APBA2: variants seen among roughly 807,000 people sequenced by gnomAD.
APBA2 encodes amyloid-beta A4 precursor protein-binding family A member 2.
Under a neutral mutation model 75.0 loss-of-function variants are expected in APBA2, and 30 were observed. The ratio of observed to expected loss-of-function variants is 0.40; its 90% CI spans 0.30 to 0.54. The LOEUF is 0.54. Ranked by LOEUF, APBA2 falls within the 20% of genes least tolerant of loss-of-function variation. APBA2 has a pLI of 0.49. For missense variants in APBA2, 801 were observed against 1,016.1 expected (o/e 0.79, Z 2.88); for synonymous variants, 444 against 409.6 (o/e 1.08, Z -1.01).
chr15:29,052,498 G>A (rs368602353), intron 3 of APBA2, among the ~76,000 whole-genome samples: 16 of 148,660 alleles, frequency 1.1e-4, no homozygotes, highest in African/African-American at 4.1e-4. Flanking sequence ...ACTTTTGGAC[G>A]TCCTCTGTGC....
intron 9 of APBA2, among the ~76,000 whole-genome samples, chr15:29,100,729 C>A (rs1256764983): frequency 6.6e-6 from 1 of 152,202 alleles, no homozygotes; most frequent in Non-Finnish European, 1.5e-5. Flanking sequence ...AAGGCCAGGC[C>A]AGGCCACTCT....
At chr15:29,110,816 CA>C (rs2044687158) in intron 13 of APBA2, among the ~76,000 whole-genome samples, 1 of 152,176 alleles carries the variant, frequency 6.6e-6, no homozygotes, top group Admixed American at 6.5e-5. Flanking sequence ...AGCCCAGGTG[CA>C]GGGTTCTGTG....
At chr15:29,106,920 C>T in intron 12 of APBA2, 101 bp downstream of exon 12, 1 of 1,181,800 alleles carries the variant, frequency 8.5e-7, no homozygotes, top group Non-Finnish European at 1.2e-6. Flanking sequence ...CCCACTTCAC[C>T]CATGGGGAAA....
chr15:29,093,052 T>C (rs1364634274), intron 6 of APBA2, 23 bp from the exon 7 acceptor site: 9 of 1,613,982 alleles, frequency 5.6e-6, no homozygotes, highest in African/African-American at 2.7e-5. Flanking sequence ...CTAGGAAGAC[T>C]CTGACTCTGT....
At chr15:28,979,973 AT>A (rs2152765046) in intron 2 of APBA2, among the ~76,000 whole-genome samples, 1 of 152,312 alleles carries the variant, frequency 6.6e-6, no homozygotes, top group African/African-American at 2.4e-5. Flanking sequence ...TTAAAAGAAA[AT>A]TTATTTTTGA....
chr15:29,107,321 C>T (rs887303226), intron 12 of APBA2, among the ~76,000 whole-genome samples: 4 of 152,124 alleles, frequency 2.6e-5, no homozygotes, highest in Admixed American at 6.5e-5. Context: ...TGCTGCCTGT[C>T]GCTGTGAGGG....
intron 2 of APBA2, among the ~76,000 whole-genome samples, chr15:28,958,673 T>A (rs1307882361): frequency 6.6e-6 from 1 of 152,210 alleles, no homozygotes; most frequent in Non-Finnish European, 1.5e-5. Flanking sequence ...ACCCTGCATC[T>A]CTGCCTGGCT....
At chr15:28,948,041 A>G (rs982119709) in intron 2 of APBA2, among the ~76,000 whole-genome samples, 2 of 152,308 alleles carry the variant, frequency 1.3e-5, no homozygotes, top group African/African-American at 2.4e-5. Context: ...CCCCAGGGCC[A>G]TGGACTTCTG....
chr15:28,942,356 G>A (rs891987621), intron 2 of APBA2, among the ~76,000 whole-genome samples: 3 of 152,180 alleles, frequency 2.0e-5, no homozygotes, highest in Non-Finnish European at 4.4e-5. Flanking sequence ...TGGGGTCTGC[G>A]CTTTACTAGG....
At position 29,025,266 on chromosome 15, in the gene APBA2, T is replaced by G. The variant is rs1231481793; in HGVS notation, c.-40-28579T>G. ...GAGCCAGGAAACAAGAATTGGGATT[T>G]TTTTTTTTTTTTTTTTTGAGATGGA... On this transcript the variant is annotated intron_variant, in intron 3 of 14. Coordinates refer to ENST00000683413, the MANE Select transcript of APBA2 (RefSeq NM_001353788.2). 4.1e-5 allele frequency among the ~76,000 whole-genome samples: 3 copies of G among 73,308 alleles called. No homozygotes were observed. In the African/African-American group the frequency reaches 1.5e-3, roughly 37 times the overall value. 48.1% of individuals were successfully genotyped at this position (73,308 alleles called of 152,430 possible). A position where few individuals can be genotyped will look rare whatever the true frequency, so the allele number is the denominator to read the frequency against.
At chr15:28,940,356 CAAAAAAAAAAA>C (rs398043111) in intron 2 of APBA2, among the ~76,000 whole-genome samples, 9,320 of 38,430 alleles carry the variant, frequency 0.24, 230 homozygotes, top group Middle Eastern at 0.32. Context: ...ACTAAAAATA[CAAAAAAAAAAA>C]AAAAAAAAAA....
At chr15:28,956,934 C>T (rs2036201713) in intron 2 of APBA2, among the ~76,000 whole-genome samples, 1 of 152,230 alleles carries the variant, frequency 6.6e-6, no homozygotes, top group Non-Finnish European at 1.5e-5. Flanking sequence ...GGAATACTTC[C>T]TTGTATGAAT....
At chr15:28,931,346 G>T (rs917219904) in intron 2 of APBA2, among the ~76,000 whole-genome samples, 25 of 152,294 alleles carry the variant, frequency 1.6e-4, no homozygotes, top group Admixed American at 1.6e-3. Flanking sequence ...CTTAGCGGGG[G>T]CCTGGGAATG....
intron 10 of APBA2, among the ~76,000 whole-genome samples, chr15:29,103,106 G>A (rs1252823156): frequency 2.6e-5 from 4 of 152,248 alleles, no homozygotes; most frequent in African/African-American, 9.6e-5. Context: ...GGATGTGTGA[G>A]AGACCTGGCT....
intron 2 of APBA2, among the ~76,000 whole-genome samples, chr15:28,983,747 T>TACGC (rs1321064282): frequency 6.6e-6 from 1 of 151,980 alleles, no homozygotes; most frequent in Non-Finnish European, 1.5e-5. Context: ...CTGGGTGGAG[T>TACGC]ACGCTCCTTA....
chr15:29,032,995 C>G (rs11852312), intron 3 of APBA2, among the ~76,000 whole-genome samples: 29,733 of 152,152 alleles, frequency 0.2, 3,871 homozygotes, highest in African/African-American at 0.36. Context: ...GTGGTGAGAT[C>G]TGGGCTTTCT....
At chr15:29,090,605 G>A (rs191338497) in intron 6 of APBA2, among the ~76,000 whole-genome samples, 19 of 152,314 alleles carry the variant, frequency 1.2e-4, no homozygotes, top group Non-Finnish European at 2.4e-4. Flanking sequence ...GGGACATAAG[G>A]ACACTCGCCC....
intron 2 of APBA2, chr15:28,961,674 A>C (rs2036480724): frequency 2.0e-5 from 3 of 152,172 alleles, no homozygotes; most frequent in African/African-American, 7.2e-5. Flanking sequence ...CAATGGAAGG[A>C]GAAGCCTGTC....
intron 1 of APBA2, among the ~76,000 whole-genome samples, chr15:28,915,469 C>A (rs2033647349): frequency 6.8e-6 from 1 of 147,642 alleles, no homozygotes; most frequent in African/African-American, 2.5e-5. Context: ...CCACATAATA[C>A]CATACATACA....
Sources: allele counts gnomAD v4.1 joint callset (sites outside exome capture counted in the v4.1 genomes callset), GRCh38; gene constraint gnomAD v4.1.1; transcripts MANE v1.5; gene names NCBI Gene and HGNC (gene_info 2026-07-23, HGNC 2026-07-21).